Variants in CSMD1 observed in about 807,000 individuals in gnomAD.
The protein encoded by CSMD1 is CUB and sushi domain-containing protein 1.
In CSMD1, 213 loss-of-function variants were observed where a neutral mutation model predicts 417.5. That is an observed-to-expected ratio of 0.51 (90% CI 0.46 to 0.57). The LOEUF is 0.57. CSMD1 is among the 20% of genes least tolerant of loss of function. CSMD1 has a pLI of 0.00. For synonymous variants in CSMD1, 2,862 were observed against 1,736.8 expected (o/e 1.65, Z -16.11); for missense variants, 6,923 against 4,529.7 (o/e 1.53, Z -15.17).
intron 17 of CSMD1, among the ~76,000 whole-genome samples, chr8:3,388,431 G>C (rs1811144338): frequency 6.6e-6 from 1 of 152,166 alleles, no homozygotes; most frequent in Non-Finnish European, 1.5e-5. Context: ...TCATTGTAAT[G>C]TTTACATATG....
chr8:4,641,697 A>C (rs1260185704), intron 1 of CSMD1, among the ~76,000 whole-genome samples: 1 of 152,178 alleles, frequency 6.6e-6, no homozygotes, highest in Admixed American at 6.5e-5. Context: ...TGCATTACAG[A>C]CCTCATGTAT....
intron 5 of CSMD1, among the ~76,000 whole-genome samples, chr8:3,906,049 A>C (rs1316862913): frequency 6.6e-6 from 1 of 152,154 alleles, no homozygotes; most frequent in Non-Finnish European, 1.5e-5. Flanking sequence ...AAATAGCGAG[A>C]GGAGGTGAAG....
In CSMD1 at chr8:4,031,889, C is replaced by A; in HGVS notation, c.610+16G>T. Reference sequence around the variant, plus strand: ...TGCCCTGGAGTCTGCTCACCAGCCCCCTTGTAGCACTGTACCTCTGCAAAA... The same window carrying A: ...TGCCCTGGAGTCTGCTCACCAGCCCACTTGTAGCACTGTACCTCTGCAAAA... On this transcript the variant is annotated intron_variant, in intron 4 of 69. Coordinates refer to ENST00000635120, the MANE Select transcript of CSMD1 (RefSeq NM_033225.6). 3 of 1,597,270 alleles carry A rather than the reference C, an allele frequency of 1.9e-6. No homozygotes were observed. The highest frequency in any genetic ancestry group is 2.6e-6 in the Non-Finnish European group (3 of 1,169,116).
intron 2 of CSMD1, among the ~76,000 whole-genome samples, chr8:4,636,214 C>G (rs1304666194): frequency 6.6e-6 from 1 of 152,002 alleles, no homozygotes; most frequent in South Asian, 2.1e-4. Flanking sequence ...TTAGGAAAAT[C>G]TGATTTCTTT....
At chr8:3,416,643 T>G (rs984507008) in intron 12 of CSMD1, among the ~76,000 whole-genome samples, 1 of 151,998 alleles carries the variant, frequency 6.6e-6, no homozygotes, top group Admixed American at 6.6e-5. Flanking sequence ...GTCCAGGGAG[T>G]TGCCTGGTCC....
Position 3,408,026 on chromosome 8 carries a change from T to C in CSMD1, c.1944A>G (p.Ile648Met), listed in dbSNP as rs765341805. 1.9e-6 allele frequency: 3 copies of C among 1,613,856 alleles called. No individual in the cohort carries two copies. In the Admixed American group the frequency reaches 5.0e-5, roughly 27 times the overall value. The change falls in exon 14 of 70, where the codon ATA becomes ATG. Residue 648 changes from isoleucine (I) to methionine (M), a missense_variant. Coordinates refer to ENST00000635120, the MANE Select transcript of CSMD1 (RefSeq NM_033225.6). ...TGCCAGAAAAAGTACCCAGGACAGT[T>C]ATGTCAGAAATGCCATCATCCTTGA... Reference protein sequence around the residue: ...LAVKDDGISDITVLGTFSGNE... With the variant: ...LAVKDDGISDMTVLGTFSGNE...
intron 2 of CSMD1, among the ~76,000 whole-genome samples, chr8:4,616,967 CT>C (rs879830356): frequency 3.6e-5 from 2 of 55,682 alleles, no homozygotes; most frequent in Non-Finnish European, 8.3e-5. Flanking sequence ...AAGCAGATTT[CT>C]TTTTTTTACC....
intron 5 of CSMD1, among the ~76,000 whole-genome samples, chr8:3,928,323 T>C (rs1263741773): frequency 2.6e-5 from 4 of 152,188 alleles, no homozygotes; most frequent in Admixed American, 6.5e-5. Flanking sequence ...TTTCTTTTAA[T>C]TGCCAGGACT....
At chr8:4,018,142 G>C (rs1489035115) in intron 4 of CSMD1, among the ~76,000 whole-genome samples, 1 of 152,026 alleles carries the variant, frequency 6.6e-6, no homozygotes, top group Non-Finnish European at 1.5e-5. Flanking sequence ...GTGTTTTTAT[G>C]TCTTTTTTCA....
At chr8:3,743,163 C>A (rs538538354) in intron 6 of CSMD1, among the ~76,000 whole-genome samples, 154 of 152,256 alleles carry the variant, frequency 1.0e-3, no homozygotes, top group African/African-American at 3.4e-3. Context: ...CAAAAGCCAG[C>A]ATCTCTCTAC....
At chr8:4,328,096 C>T (rs1799658963) in intron 3 of CSMD1, among the ~76,000 whole-genome samples, 1 of 152,132 alleles carries the variant, frequency 6.6e-6, no homozygotes, top group Non-Finnish European at 1.5e-5. Context: ...GTAACAGAAA[C>T]TATGCAAACA....
intron 3 of CSMD1, among the ~76,000 whole-genome samples, chr8:4,405,979 C>T (rs981902578): frequency 2.6e-5 from 4 of 152,182 alleles, no homozygotes; most frequent in African/African-American, 9.7e-5. Context: ...TGTCCTGTAA[C>T]AGACATGGCT....
At chr8:4,192,860 A>AT (rs761456033) in intron 3 of CSMD1, among the ~76,000 whole-genome samples, 10 of 152,188 alleles carry the variant, frequency 6.6e-5, no homozygotes, top group Non-Finnish European at 1.0e-4. Context: ...ATGTTCCTGT[A>AT]TTCTGTCCTT....
intron 3 of CSMD1, among the ~76,000 whole-genome samples, chr8:4,391,506 G>A (rs779092902): frequency 5.9e-5 from 9 of 152,116 alleles, no homozygotes; most frequent in Non-Finnish European, 1.2e-4. Flanking sequence ...GCTGTGACCA[G>A]TGCAGGAGAC....
chr8:3,977,418 G>A (rs949778030), intron 5 of CSMD1, among the ~76,000 whole-genome samples: 1 of 151,984 alleles, frequency 6.6e-6, no homozygotes, highest in Non-Finnish European at 1.5e-5. Context: ...TTTTGTTGTT[G>A]TTCCTGTTTT....
At chr8:3,820,311 T>C (rs76309434) in intron 5 of CSMD1, among the ~76,000 whole-genome samples, 2 of 152,116 alleles carry the variant, frequency 1.3e-5, no homozygotes, top group African/African-American at 2.4e-5. Flanking sequence ...GAGGACACAG[T>C]AGTCTAAGAT....
chr8:4,433,009 G>A (rs1284315577), intron 2 of CSMD1, among the ~76,000 whole-genome samples: 1 of 152,084 alleles, frequency 6.6e-6, no homozygotes, highest in Non-Finnish European at 1.5e-5. Context: ...CATTCCCACA[G>A]GAGCGTCAAC....
intron 5 of CSMD1, among the ~76,000 whole-genome samples, chr8:3,861,366 G>A (rs371936589): frequency 3.3e-4 from 51 of 152,324 alleles, no homozygotes; most frequent in African/African-American, 1.2e-3. Flanking sequence ...AGTAAAATAT[G>A]AGCTGTCTTA....
rs780151588 is a variant in CSMD1 at position 3,468,796 on chromosome 8, T to C, written c.1477A>G (p.Ile493Val). 2 of 1,602,580 alleles carry C rather than the reference T, an allele frequency of 1.2e-6. No individual in the cohort carries two copies. Among genetic ancestry groups the C allele is most frequent in the East Asian group, 2.2e-5 (1 of 44,622 alleles). Residue 493 changes from isoleucine to valine, a missense_variant, in exon 12 of 70, where the codon ATT becomes GTT. Ile to Val is a conservative substitution (Grantham distance 29). Transcript: ENST00000635120. ...CACATCTGGTTGCTCATGCTCACAATGAGGTCAGGAACACTGGATCCCGTG... is the reference window on the plus strand; with the variant it reads ...CACATCTGGTTGCTCATGCTCACAACGAGGTCAGGAACACTGGATCCCGTG... ...VLTGSSVPDL[I>V]VSMSNQMWLH...
Sources: gnomAD v4.1 joint callset for allele counts (sites outside exome capture counted in the v4.1 genomes callset) on GRCh38, gnomAD v4.1.1 for gene constraint, MANE v1.5 for transcripts, NCBI Gene and HGNC (gene_info 2026-07-23, HGNC 2026-07-21) for gene names.